Variants in KCNAB1 observed in about 807,000 individuals in gnomAD.
The protein encoded by KCNAB1 is potassium voltage-gated channel subfamily A regulatory beta subunit 1.
A neutral mutation model predicts 64.6 loss-of-function variants in KCNAB1; 35 were observed. The observed-to-expected ratio is 0.54, with a 90% CI of 0.41 to 0.72. KCNAB1 has a LOEUF of 0.72. KCNAB1 is among the 30% of genes least tolerant of loss of function. The pLI is 0.00. For synonymous variants in KCNAB1, 177 were observed against 183.8 expected, an observed-to-expected ratio of 0.96 and a Z score of 0.30; for missense variants, 401 against 512.9, an observed-to-expected ratio of 0.78 and a Z score of 2.11.
intron 1 of KCNAB1, among the ~76,000 whole-genome samples, chr3:156,398,517 C>CG (rs1713642651): frequency 1.4e-5 from 2 of 143,910 alleles, no homozygotes; most frequent in South Asian, 4.5e-4. Context: ...GCATGAACCC[C>CG]GGGGGGCGGA....
intron 7 of KCNAB1, among the ~76,000 whole-genome samples, chr3:156,470,155 C>T (rs1425695964): frequency 2.0e-5 from 3 of 152,080 alleles, no homozygotes; most frequent in African/African-American, 7.2e-5. Flanking sequence ...TTTAATGAGC[C>T]CAAAGTTCTT....
At chr3:156,407,305 TC>T (rs1302361089) in intron 1 of KCNAB1, among the ~76,000 whole-genome samples, 3 of 152,328 alleles carry the variant, frequency 2.0e-5, no homozygotes, top group Non-Finnish European at 4.4e-5. Flanking sequence ...GCTGGTTCTG[TC>T]CCTTCCTCCA....
At chr3:156,338,791 C>G (rs1321965137) in intron 1 of KCNAB1, among the ~76,000 whole-genome samples, 2 of 152,144 alleles carry the variant, frequency 1.3e-5, no homozygotes, top group Non-Finnish European at 2.9e-5. Context: ...GAGGAGAGAG[C>G]ATTCTCCTCC....
rs1041177885 is a variant in KCNAB1 at position 156,221,780 on chromosome 3, C to CG, written c.275+100894_275+100895insG. Among the ~76,000 whole-genome samples, 67 of 147,688 alleles carry CG rather than the reference C, an allele frequency of 4.5e-4. 1 individual carries two copies. Among genetic ancestry groups the CG allele is most frequent in the African/African-American group, 1.6e-3 (65 of 40,322 alleles). ...GCGAAAAGAGCAAAACTCCATCCCC[C>CG]CCCGCCAAAAAAAAAGTTTTGTGTC... On this transcript the variant is annotated intron_variant, in intron 1 of 13. Transcript: ENST00000490337.
Position 156,319,622 on chromosome 3 carries a change from G to A in KCNAB1, c.276-101994G>A, listed in dbSNP as rs1722523651. On this transcript the variant is annotated intron_variant, in intron 1 of 13. Coordinates refer to ENST00000490337, the MANE Select transcript of KCNAB1 (RefSeq NM_172160.3). Reference sequence around the variant, plus strand: ...ATTACCACACACAACTTCACCTGCAGAGCTCAAGAGCCCTGTGAAAAGACA... The same window carrying A: ...ATTACCACACACAACTTCACCTGCAAAGCTCAAGAGCCCTGTGAAAAGACA... Among the ~76,000 whole-genome samples, 5 of 152,296 alleles carry A rather than the reference G, an allele frequency of 3.3e-5. No individual in the cohort carries two copies. In the South Asian group the frequency reaches 1.0e-3, roughly 32 times the overall value.
chr3:156,292,616 G>A (rs970369268), intron 1 of KCNAB1, among the ~76,000 whole-genome samples: 5 of 152,104 alleles, frequency 3.3e-5, no homozygotes, highest in Admixed American at 6.5e-5. Flanking sequence ...GGGCTCTGTC[G>A]CCTGGGAAAT....
chr3:156,457,616 A>G (rs1417500230), intron 4 of KCNAB1, 84 bp downstream of exon 4: 1 of 1,231,504 alleles, frequency 8.1e-7, no homozygotes, highest in Non-Finnish European at 1.2e-6. Flanking sequence ...CATGTTGGTG[A>G]AAAGGTTCTG....
intron 1 of KCNAB1, among the ~76,000 whole-genome samples, chr3:156,270,528 C>T (rs1718972185): frequency 6.6e-6 from 1 of 152,046 alleles, no homozygotes; most frequent in Non-Finnish European, 1.5e-5. Flanking sequence ...AAACTGATGA[C>T]AATTTAACTT....
At chr3:156,352,229 T>C (rs1417731632) in intron 1 of KCNAB1, among the ~76,000 whole-genome samples, 1 of 152,212 alleles carries the variant, frequency 6.6e-6, no homozygotes, top group East Asian at 1.9e-4. Flanking sequence ...CCCGCATCAA[T>C]GTCTAGTTCT....
chr3:156,142,242 A>T (rs1714749826), intron 1 of KCNAB1, among the ~76,000 whole-genome samples: 2 of 152,184 alleles, frequency 1.3e-5, no homozygotes, highest in Non-Finnish European at 2.9e-5. Flanking sequence ...CATAGAGCAG[A>T]AGTTGTTAAT....
chr3:156,118,973 G>A (rs1287250382), upstream of KCNAB1, among the ~76,000 whole-genome samples: 1 of 152,234 alleles, frequency 6.6e-6, no homozygotes, highest in Non-Finnish European at 1.5e-5. Flanking sequence ...CACAGCATCA[G>A]ATGGGACTGA....
chr3:156,153,667 A>G (rs1286996961), intron 1 of KCNAB1, among the ~76,000 whole-genome samples: 1 of 152,234 alleles, frequency 6.6e-6, no homozygotes, highest in Non-Finnish European at 1.5e-5. Flanking sequence ...GTAGGAGGGT[A>G]TTCCTTCTGC....
intron 1 of KCNAB1, among the ~76,000 whole-genome samples, chr3:156,365,868 AG>A (rs1234543129): frequency 6.6e-6 from 1 of 152,200 alleles, no homozygotes; most frequent in Non-Finnish European, 1.5e-5. Flanking sequence ...CAAGGCAAAC[AG>A]GTTTTTAAAA....
chr3:156,172,768 T>C (rs1331751140), intron 1 of KCNAB1, among the ~76,000 whole-genome samples: 1 of 152,158 alleles, frequency 6.6e-6, no homozygotes, highest in Non-Finnish European at 1.5e-5. Context: ...AGGACTGAGA[T>C]AGGTCCTGGA....
chr3:156,343,883 A>C (rs1440788445), intron 1 of KCNAB1, among the ~76,000 whole-genome samples: 1 of 152,236 alleles, frequency 6.6e-6, no homozygotes, highest in Non-Finnish European at 1.5e-5. Context: ...TCCTTACTAG[A>C]ATGTGAAGAT....
At chr3:156,466,767 AG>A (rs1351733390) in intron 7 of KCNAB1, among the ~76,000 whole-genome samples, 1 of 152,122 alleles carries the variant, frequency 6.6e-6, no homozygotes, top group East Asian at 1.9e-4. Context: ...GAAATAAAAC[AG>A]TCAACAAGAA....
intron 2 of KCNAB1, among the ~76,000 whole-genome samples, chr3:156,443,771 C>T (rs978766106): frequency 1.4e-5 from 2 of 147,292 alleles, no homozygotes; most frequent in African/African-American, 5.0e-5. Flanking sequence ...CACACACACA[C>T]ACACACACAC....
intron 4 of KCNAB1, among the ~76,000 whole-genome samples, chr3:156,458,491 C>T (rs991409053): frequency 1.3e-5 from 2 of 152,204 alleles, no homozygotes; most frequent in African/African-American, 4.8e-5. Context: ...GAATTACAAT[C>T]AAATTGCTGG....
At position 156,531,513 on chromosome 3, in the gene KCNAB1, C is replaced by T. The variant is rs1718699394; in HGVS notation, c.1170+16C>T. On this transcript the variant is annotated intron_variant, in intron 13 of 13. Coordinates refer to ENST00000490337, the MANE Select transcript of KCNAB1 (RefSeq NM_172160.3). Reference sequence around the variant, plus strand: ...TGCCATTCAGGCAAGTACTGCAGCCCCTTCCAACATCAGGGAATTTAATGG... The same window carrying T: ...TGCCATTCAGGCAAGTACTGCAGCCTCTTCCAACATCAGGGAATTTAATGG... 2.5e-6 allele frequency: 4 copies of T among 1,569,198 alleles called. No individual in the cohort carries two copies. Among genetic ancestry groups the T allele is most frequent in the South Asian group, 2.2e-5 (2 of 90,242 alleles).
Sources: gnomAD v4.1 joint callset for allele counts (sites outside exome capture counted in the v4.1 genomes callset) on GRCh38, gnomAD v4.1.1 for gene constraint, MANE v1.5 for transcripts, NCBI Gene and HGNC (gene_info 2026-07-23, HGNC 2026-07-21) for gene names.